Variants in MNAT1 observed in about 807,000 individuals in gnomAD.
MNAT1 encodes the protein CDK-activating kinase assembly factor MAT1.
Under a neutral mutation model 42.0 loss-of-function variants are expected in MNAT1, and 43 were observed. The observed-to-expected ratio is 1.02, with a 90% confidence interval of 0.80 to 1.32. The LOEUF (loss-of-function observed/expected upper bound fraction) is 1.32, where lower values mean the gene tolerates loss of function less well. MNAT1 is among the 40% of genes most tolerant of loss of function. The pLI, the probability that MNAT1 is intolerant of heterozygous loss-of-function variation, is 0.00. For missense variants in MNAT1, 306 were observed against 350.4 expected (o/e 0.87, Z 1.01); for synonymous variants, 118 against 120.0 (o/e 0.98, Z 0.11).
At chr14:60,848,603 A>AT (rs1358299869) in intron 6 of MNAT1, among the ~76,000 whole-genome samples, 3 of 151,934 alleles carry the variant, frequency 2.0e-5, no homozygotes, top group East Asian at 3.9e-4. Context: ...TACCGTGTTA[A>AT]TTTTTTTGTT....
chr14:60,835,575 C>A (rs2033367974), intron 6 of MNAT1, among the ~76,000 whole-genome samples: 1 of 152,198 alleles, frequency 6.6e-6, no homozygotes, highest in South Asian at 2.1e-4. Flanking sequence ...GGCCCCCACT[C>A]TCTTCTGGCT....
intron 7 of MNAT1, among the ~76,000 whole-genome samples, chr14:60,945,280 A>G (rs546579629): frequency 6.6e-6 from 1 of 152,180 alleles, no homozygotes; most frequent in East Asian, 1.9e-4. Flanking sequence ...TGAGTCTATA[A>G]TGTGTCATGA....
chr14:60,831,959 G>C (rs183173117), intron 6 of MNAT1, among the ~76,000 whole-genome samples: 4 of 152,174 alleles, frequency 2.6e-5, no homozygotes, highest in African/African-American at 7.2e-5. Flanking sequence ...TGTGTTTGTT[G>C]GCTGCATAAA....
intron 6 of MNAT1, among the ~76,000 whole-genome samples, chr14:60,853,137 AT>A (rs2033866376): frequency 1.3e-5 from 2 of 152,074 alleles, no homozygotes; most frequent in Admixed American, 6.6e-5. Flanking sequence ...TCTTTGGGCA[AT>A]ATGGCCTTTT....
At chr14:60,936,178 A>G (rs950760389) in intron 7 of MNAT1, among the ~76,000 whole-genome samples, 1 of 152,092 alleles carries the variant, frequency 6.6e-6, no homozygotes, top group African/African-American at 2.4e-5. Flanking sequence ...ATCTGATGTA[A>G]ACACTTGTGG....
chr14:60,839,722 T>C (rs1209575997), intron 6 of MNAT1, among the ~76,000 whole-genome samples: 2 of 152,222 alleles, frequency 1.3e-5, no homozygotes, highest in Non-Finnish European at 2.9e-5. Flanking sequence ...ATGTTCCTCT[T>C]GTCCAGACGT....
At chr14:60,762,173 T>G (rs1377881346) in intron 1 of MNAT1, among the ~76,000 whole-genome samples, 1 of 152,204 alleles carries the variant, frequency 6.6e-6, no homozygotes, top group African/African-American at 2.4e-5. Context: ...ACTTGAAGTT[T>G]GGGACACCAT....
chr14:60,735,063 CTG>C, intron 1 of MNAT1, 112 bp downstream of exon 1: 2 of 995,234 alleles, frequency 2.0e-6, no homozygotes, highest in Non-Finnish European at 3.2e-6. Context: ...AGTTTCAACA[CTG>C]GGGAGGAAAA....
intron 1 of MNAT1, among the ~76,000 whole-genome samples, chr14:60,755,349 G>A (rs981945992): frequency 2.8e-4 from 43 of 152,152 alleles, no homozygotes; most frequent in African/African-American, 9.9e-4. Context: ...TCACCATGTT[G>A]GCCAGGATGT....
At position 60,749,290 on chromosome 14, in the gene MNAT1, A is replaced by G. The variant is rs960296712; in HGVS notation, c.89+14339A>G. Among the ~76,000 whole-genome samples the G allele has an allele frequency of 7.2e-5, 11 of 152,316 alleles. No homozygotes were observed. In the Middle Eastern group the frequency reaches 0.01, roughly 141 times the overall value. On this transcript the variant is annotated intron_variant, in intron 1 of 7. Coordinates refer to ENST00000261245, the MANE Select transcript of MNAT1 (RefSeq NM_002431.4). ...GGTGAAGCTATCTATTGGACATTCAAACTTATTTGTTAAAATGCAAGTTAT... is the reference window on the plus strand; with the variant it reads ...GGTGAAGCTATCTATTGGACATTCAGACTTATTTGTTAAAATGCAAGTTAT...
intron 6 of MNAT1, among the ~76,000 whole-genome samples, chr14:60,859,300 A>C (rs1415556216): frequency 6.6e-6 from 1 of 152,224 alleles, no homozygotes; most frequent in African/African-American, 2.4e-5. Context: ...GGATTTAAAA[A>C]TTCAGTGGTT....
intron 1 of MNAT1, among the ~76,000 whole-genome samples, chr14:60,774,361 AAG>A (rs1314539072): frequency 2.0e-5 from 3 of 152,128 alleles, no homozygotes; most frequent in African/African-American, 7.2e-5. Context: ...GGAAAGAAAG[AAG>A]AGAGGGGTAG....
chr14:60,809,204 A>T (rs545259676), intron 4 of MNAT1, among the ~76,000 whole-genome samples: 1 of 152,268 alleles, frequency 6.6e-6, no homozygotes, highest in African/African-American at 2.4e-5. Context: ...GAGATACTTT[A>T]TCAGGATTTT....
intron 6 of MNAT1, among the ~76,000 whole-genome samples, chr14:60,837,513 C>A (rs2033427166): frequency 6.6e-6 from 1 of 152,204 alleles, no homozygotes; most frequent in Admixed American, 6.5e-5. Context: ...TGAGGCGATG[C>A]CCCATCCTGC....
intron 6 of MNAT1, among the ~76,000 whole-genome samples, chr14:60,870,171 C>T (rs1411654649): frequency 6.6e-6 from 1 of 152,042 alleles, no homozygotes; most frequent in Non-Finnish European, 1.5e-5. Flanking sequence ...TTTTAGAAAA[C>T]CTTTTTTCTC....
At chr14:60,886,757 TCTAA>T (rs1355717142) in intron 7 of MNAT1, among the ~76,000 whole-genome samples, 2 of 152,110 alleles carry the variant, frequency 1.3e-5, no homozygotes, top group Non-Finnish European at 2.9e-5. Flanking sequence ...ATTTTCTAAT[TCTAA>T]CTTTTTGGTC....
chr14:60,736,606 A>T (rs1896315479), intron 1 of MNAT1, among the ~76,000 whole-genome samples: 1 of 152,166 alleles, frequency 6.6e-6, no homozygotes, highest in South Asian at 2.1e-4. Flanking sequence ...TTGACTTGAA[A>T]TGTGAACAAA....
rs117684100 is a variant in MNAT1 at position 60,747,333 on chromosome 14, G to A, written c.89+12382G>A. Among the ~76,000 whole-genome samples, 166 of 152,096 alleles carry A rather than the reference G, an allele frequency of 1.1e-3. No homozygotes were observed. The East Asian group carries it at 0.023, about 21-fold the overall frequency. ...ATCCATTCTGAGAAACTCATGTTAG[G>A]CAGTTTTACTGTGTGAACATCATAC... is the stretch of plus-strand genomic sequence containing the variant. On this transcript the variant is annotated intron_variant, in intron 1 of 7. Coordinates refer to ENST00000261245, the MANE Select transcript of MNAT1 (RefSeq NM_002431.4).
At chr14:60,902,204 C>G (rs1017009629) in intron 7 of MNAT1, among the ~76,000 whole-genome samples, 1 of 152,156 alleles carries the variant, frequency 6.6e-6, no homozygotes, top group African/African-American at 2.4e-5. Flanking sequence ...CCCAGAGGAT[C>G]ATTATCATTT....
Sources: gnomAD v4.1 joint callset for allele counts (sites outside exome capture counted in the v4.1 genomes callset) on GRCh38, gnomAD v4.1.1 for gene constraint, MANE v1.5 for transcripts, NCBI Gene and HGNC (gene_info 2026-07-23, HGNC 2026-07-21) for gene names.